Variants in PAPPA2 observed in about 807,000 individuals in gnomAD.
PAPPA2 encodes the protein pappalysin-2.
A neutral mutation model predicts 176.4 loss-of-function variants in PAPPA2; 86 were observed. The ratio of observed to expected loss-of-function variants is 0.49; its 90% CI spans 0.41 to 0.58. The LOEUF (loss-of-function observed/expected upper bound fraction) is 0.58. Among genes scored for constraint, PAPPA2 ranks in the 20% least tolerant of loss-of-function variants. PAPPA2 has a pLI of 0.00. For synonymous variants in PAPPA2, 809 were observed against 852.2 expected, an observed-to-expected ratio of 0.95 and a Z score of 0.88; for missense variants, 2,073 against 2,256.9, an observed-to-expected ratio of 0.92 and a Z score of 1.65.
At chr1:176,584,805 G>A (rs1185465092) in intron 2 of PAPPA2, among the ~76,000 whole-genome samples, 1 of 152,028 alleles carries the variant, frequency 6.6e-6, no homozygotes, top group East Asian at 1.9e-4. Context: ...TGCCATCTCG[G>A]CGCAGTGCAA....
At chr1:176,770,850 G>T (rs1664192816) in intron 16 of PAPPA2, 117 bp from the exon 17 acceptor site, 3 of 918,414 alleles carry the variant, frequency 3.3e-6, no homozygotes, top group Non-Finnish European at 3.3e-6. Flanking sequence ...ACTCAAGAAA[G>T]AATAATATGA....
chr1:176,709,965 C>A lies in PAPPA2; in HGVS notation c.3458-18C>A. 1 of 1,580,718 alleles carries A rather than the reference C, an allele frequency of 6.3e-7. No homozygotes were observed. The highest frequency in any genetic ancestry group is 1.7e-4 in the Middle Eastern group (1 of 5,898). On this transcript the variant is annotated intron_variant, in intron 10 of 22. Coordinates refer to ENST00000367662, the MANE Select transcript of PAPPA2 (RefSeq NM_020318.3). ...TTATGAAAACACTTTTTCTGTGTCA[C>A]ACAATATTTCTTGGCAGGAGAGCCA... is the stretch of plus-strand genomic sequence containing the variant.
chr1:176,769,830 C>T, intron 16 of PAPPA2, 46 bp downstream of exon 16: 1 of 1,529,922 alleles, frequency 6.5e-7, no homozygotes, highest in Admixed American at 2.1e-5. Context: ...CTCTGCCATC[C>T]CTCGCTCTTG....
chr1:176,831,874 C>T (rs924291538), intron 21 of PAPPA2, among the ~76,000 whole-genome samples: 2 of 152,082 alleles, frequency 1.3e-5, no homozygotes, highest in Non-Finnish European at 2.9e-5. Flanking sequence ...TTTCCAGGAG[C>T]CAATTAGACC....
intron 20 of PAPPA2, 95 bp downstream of exon 20, chr1:176,793,764 G>T: frequency 1.1e-6 from 1 of 911,982 alleles, no homozygotes; most frequent in Non-Finnish European, 1.6e-6. Flanking sequence ...GGCTTTCAAA[G>T]CATCCTCAAA....
chr1:176,618,270 C>T (rs1033515231), intron 3 of PAPPA2, among the ~76,000 whole-genome samples: 1 of 152,274 alleles, frequency 6.6e-6, no homozygotes, highest in African/African-American at 2.4e-5. Context: ...AGTTCATATT[C>T]TGAGTCCCAT....
intron 1 of PAPPA2, among the ~76,000 whole-genome samples, chr1:176,550,703 T>A (rs543487059): frequency 4.6e-5 from 7 of 152,210 alleles, no homozygotes; most frequent in African/African-American, 1.4e-4. Context: ...ATAATGGTAA[T>A]TGTATTCTGG....
intron 21 of PAPPA2, among the ~76,000 whole-genome samples, chr1:176,814,375 A>C (rs1044032816): frequency 1.3e-5 from 2 of 152,206 alleles, no homozygotes; most frequent in Non-Finnish European, 2.9e-5. Flanking sequence ...TACGTTGGAC[A>C]GTATGACCAT....
At chr1:176,576,831 G>A (rs889928235) in intron 2 of PAPPA2, among the ~76,000 whole-genome samples, 18 of 152,286 alleles carry the variant, frequency 1.2e-4, no homozygotes, top group Middle Eastern at 3.4e-3. Flanking sequence ...TCGTCTTTCC[G>A]GAGGTCTGTG....
At chr1:176,515,764 C>T (rs75408949) in intron 1 of PAPPA2, among the ~76,000 whole-genome samples, 225 of 152,178 alleles carry the variant, frequency 1.5e-3, no homozygotes, top group African/African-American at 4.9e-3. Flanking sequence ...TTCCTTACCA[C>T]TCCATCTTCC....
chr1:176,841,282 GA>G (rs1196715532), intron 22 of PAPPA2, among the ~76,000 whole-genome samples: 1 of 152,108 alleles, frequency 6.6e-6, no homozygotes, highest in African/African-American at 2.4e-5. Context: ...CTCACACTCT[GA>G]AAATCTAGTA....
intron 4 of PAPPA2, among the ~76,000 whole-genome samples, chr1:176,676,792 A>G (rs1659322029): frequency 6.6e-6 from 1 of 152,102 alleles, no homozygotes; most frequent in African/African-American, 2.4e-5. Context: ...ATAGACATCT[A>G]TGATCTCTAT....
intron 3 of PAPPA2, among the ~76,000 whole-genome samples, chr1:176,612,802 C>T (rs912898922): frequency 3.9e-5 from 6 of 152,120 alleles, no homozygotes; most frequent in African/African-American, 7.2e-5. Flanking sequence ...TCCTCAATGT[C>T]GTTTTCTAGA....
chr1:176,544,904 C>T (rs1334134797), intron 1 of PAPPA2, among the ~76,000 whole-genome samples: 1 of 152,110 alleles, frequency 6.6e-6, no homozygotes, highest in Non-Finnish European at 1.5e-5. Flanking sequence ...TCAGAAACAA[C>T]CAGATGAAAG....
intron 21 of PAPPA2, among the ~76,000 whole-genome samples, chr1:176,810,395 G>C (rs1415283496): frequency 6.6e-6 from 1 of 152,172 alleles, no homozygotes; most frequent in Admixed American, 6.5e-5. Context: ...TCCATGGACA[G>C]TGTCGGTGGG....
At chr1:176,726,026 C>T (rs1388146610) in intron 12 of PAPPA2, among the ~76,000 whole-genome samples, 3 of 152,162 alleles carry the variant, frequency 2.0e-5, no homozygotes, top group Admixed American at 6.5e-5. Flanking sequence ...GTGATCCGCC[C>T]GCCTCGGCCT....
At chr1:176,759,742 C>T (rs1351118331) in intron 14 of PAPPA2, among the ~76,000 whole-genome samples, 1 of 152,160 alleles carries the variant, frequency 6.6e-6, no homozygotes, top group Non-Finnish European at 1.5e-5. Context: ...CCTGGTTTGG[C>T]ATTCTCTGGG....
At chr1:176,575,578 C>T (rs1194223988) in intron 2 of PAPPA2, among the ~76,000 whole-genome samples, 2 of 152,138 alleles carry the variant, frequency 1.3e-5, no homozygotes, top group African/African-American at 4.8e-5. Context: ...TTTGTATATT[C>T]AACAAGTATT....
intron 21 of PAPPA2, among the ~76,000 whole-genome samples, chr1:176,803,716 T>C (rs1232557715): frequency 6.6e-6 from 1 of 152,200 alleles, no homozygotes; most frequent in Admixed American, 6.5e-5. Context: ...TTCTCTCTAT[T>C]GCTAATACAG....
Sources: gnomAD v4.1 joint callset for allele counts (sites outside exome capture counted in the v4.1 genomes callset) on GRCh38, gnomAD v4.1.1 for gene constraint, MANE v1.5 for transcripts, NCBI Gene and HGNC (gene_info 2026-07-23, HGNC 2026-07-21) for gene names.